The following SLC15A1 variants were observed in gnomAD, a reference collection of about 807,000 sequenced individuals.
The protein encoded by SLC15A1 is solute carrier family 15 member 1.
SLC15A1 carries 83 observed loss-of-function variants against 92.9 expected under a neutral mutation model. That is an observed-to-expected ratio of 0.89 (90% CI 0.75 to 1.07). The LOEUF is 1.07. Ranked by LOEUF, SLC15A1 falls within the 50% of genes least tolerant of loss-of-function variation. SLC15A1 has a pLI of 0.00. For missense variants in SLC15A1, 857 were observed against 880.1 expected, an observed-to-expected ratio of 0.97 and a Z score of 0.33; for synonymous variants, 322 against 318.2, an observed-to-expected ratio of 1.01 and a Z score of -0.13.
At chr13:98,700,360 C>T (rs1346984705) in intron 18 of SLC15A1, among the ~76,000 whole-genome samples, 1 of 151,786 alleles carries the variant, frequency 6.6e-6, no homozygotes, top group Non-Finnish European at 1.5e-5. Flanking sequence ...TGGTACATGC[C>T]TGTAGTCCCA....
rs758780624 is a variant in SLC15A1 at position 98,709,558 on chromosome 13, C to T, written c.1067+14G>A. The T allele has an allele frequency of 6.8e-6, 11 of 1,612,878 alleles. No homozygotes were observed. In the South Asian group the frequency reaches 1.2e-4, roughly 18 times the overall value. ...CAAGGGAGCCTCAACCAACCCAACC[C>T]ACCCGTCACCTACGTGAAATTGAAG... On this transcript the variant is annotated intron_variant, in intron 14 of 22. Coordinates refer to ENST00000376503, the MANE Select transcript of SLC15A1 (RefSeq NM_005073.4).
intron 18 of SLC15A1, among the ~76,000 whole-genome samples, chr13:98,696,481 G>T (rs2088022877): frequency 1.3e-5 from 2 of 151,828 alleles, no homozygotes; most frequent in Admixed American, 6.6e-5. Flanking sequence ...ACCAAAACAA[G>T]AAAGGATCCC....
At chr13:98,726,295 G>A in intron 3 of SLC15A1, 31 bp from the exon 4 acceptor site, 1 of 1,613,494 alleles carries the variant, frequency 6.2e-7, no homozygotes, top group East Asian at 2.2e-5. Flanking sequence ...AAGAGGAGGG[G>A]GAAACAAAGT....
intron 1 of SLC15A1, among the ~76,000 whole-genome samples, chr13:98,730,739 T>G (rs1217060403): frequency 6.6e-6 from 1 of 152,228 alleles, no homozygotes; most frequent in Non-Finnish European, 1.5e-5. Context: ...ATTCAGTGTT[T>G]GTGGGACACG....
rs1402807735 is a variant in SLC15A1 at position 98,709,861 on chromosome 13, A to T, written c.945+6T>A. On this transcript the variant is annotated splice_donor_region_variant and intron_variant, in intron 12 of 22. Transcript: ENST00000376503. ...AAAGAAACTAAAACAAAGGAGTCAAACTTACGATTTTCCCGGACATAGTTG... is the reference window on the plus strand; with the variant it reads ...AAAGAAACTAAAACAAAGGAGTCAATCTTACGATTTTCCCGGACATAGTTG... 6.2e-7 allele frequency: 1 copy of T among 1,614,180 alleles called. No individual in the cohort carries two copies.
intron 14 of SLC15A1, 38 bp from the exon 15 acceptor site, chr13:98,708,805 C>T (rs1452695496): frequency 3.9e-6 from 6 of 1,524,352 alleles, no homozygotes; most frequent in Non-Finnish European, 4.5e-6. Flanking sequence ...CAACCAGTTT[C>T]ACATAGATGA....
chr13:98,721,468 C>A, intron 7 of SLC15A1, 27 bp downstream of exon 7: 1 of 1,546,458 alleles, frequency 6.5e-7, no homozygotes, highest in Non-Finnish European at 8.9e-7. Context: ...AAAAGACCAA[C>A]AGAAGTTCCT....
chr13:98,701,023 T>A (rs1459962622), intron 18 of SLC15A1, among the ~76,000 whole-genome samples: 1 of 152,202 alleles, frequency 6.6e-6, no homozygotes, highest in African/African-American at 2.4e-5. Flanking sequence ...TTCCTTTGCC[T>A]TTCCATATAC....
intron 5 of SLC15A1, 68 bp downstream of exon 5, chr13:98,723,844 G>C: frequency 6.3e-7 from 1 of 1,599,766 alleles, no homozygotes; most frequent in Non-Finnish European, 8.5e-7. Flanking sequence ...GGAAAAAGAC[G>C]AAGACTTAAG....
chr13:98,686,908 CACTT>C (rs2087933286), intron 21 of SLC15A1, among the ~76,000 whole-genome samples: 1 of 151,648 alleles, frequency 6.6e-6, no homozygotes, highest in African/African-American at 2.4e-5. Context: ...TAGTCTAACA[CACTT>C]AAAAGCAATA....
rs771685410 is a variant in SLC15A1 at position 98,709,725 on chromosome 13, A to T, written c.978+17T>A. 1 of 1,614,254 alleles carries T rather than the reference A, an allele frequency of 6.2e-7. No homozygotes were observed. Among genetic ancestry groups the T allele is most frequent in the South Asian group, 1.1e-5 (1 of 91,086 alleles). ...AAGACGACTCTGATCCCTGAAAGCA[A>T]CTTACATGTCTTCTACCTGCATCTG... On this transcript the variant is annotated intron_variant, in intron 13 of 22. Coordinates refer to ENST00000376503, the MANE Select transcript of SLC15A1 (RefSeq NM_005073.4).
chr13:98,693,201 G>A (rs563243597), intron 18 of SLC15A1, among the ~76,000 whole-genome samples: 27 of 141,038 alleles, frequency 1.9e-4, no homozygotes, highest in African/African-American at 7.1e-4. Flanking sequence ...GGGTTCAAGC[G>A]ATTCTCCTGC....
intron 1 of SLC15A1, among the ~76,000 whole-genome samples, chr13:98,746,108 T>C (rs2088491019): frequency 6.6e-6 from 1 of 152,226 alleles, no homozygotes; most frequent in Non-Finnish European, 1.5e-5. Context: ...CTGCTGCTTA[T>C]ACGTGGGAAA....
At chr13:98,716,306 CATTAAAGTACT>C (rs2088210810) in intron 8 of SLC15A1, among the ~76,000 whole-genome samples, 1 of 152,146 alleles carries the variant, frequency 6.6e-6, no homozygotes, top group Non-Finnish European at 1.5e-5. Context: ...TCATATAACA[CATTAAAGTACT>C]ATTCTACTAA....
chr13:98,716,002 C>G, intron 8 of SLC15A1, 42 bp from the exon 9 acceptor site: 1 of 1,551,928 alleles, frequency 6.4e-7, no homozygotes, highest in Non-Finnish European at 8.9e-7. Flanking sequence ...AGCATGTGAC[C>G]GAGCGCCCTG....
chr13:98,703,690 G>A (rs1202413618), intron 17 of SLC15A1, among the ~76,000 whole-genome samples: 1 of 151,420 alleles, frequency 6.6e-6, no homozygotes, highest in African/African-American at 2.4e-5. Flanking sequence ...CCAAGTAGCT[G>A]GGACGACAGG....
At chr13:98,747,379 A>G (rs149618896) in intron 1 of SLC15A1, among the ~76,000 whole-genome samples, 2,800 of 152,256 alleles carry the variant, frequency 0.018, 95 homozygotes, top group African/African-American at 0.064. Context: ...TTCTGCCTCC[A>G]CCATGGGAAC....
Position 98,686,256 on chromosome 13 carries a change from C to T in SLC15A1, c.1869G>A (p.Leu623=), listed in dbSNP as rs1329990258. 2 of 1,613,526 alleles carry T rather than the reference C, an allele frequency of 1.2e-6. No homozygotes were observed. Among genetic ancestry groups the T allele is most frequent in the Non-Finnish European group, 1.7e-6 (2 of 1,179,788 alleles). Residue 623 remains leucine (L), a synonymous_variant, in exon 22 of 23, where the codon CTG becomes CTA. Transcript: ENST00000376503. ...NMKSVLQAGW[L]LTVAVGNIIV... is the part of the protein sequence containing the mutation. ...TGATGTTGCCAACAGCCACGGTCAGCAGCCATCCTGCCTGAAGCACCGACT... is the reference window on the plus strand; with the variant it reads ...TGATGTTGCCAACAGCCACGGTCAGTAGCCATCCTGCCTGAAGCACCGACT...
At chr13:98,745,814 A>G (rs1465650405) in intron 1 of SLC15A1, among the ~76,000 whole-genome samples, 1 of 150,494 alleles carries the variant, frequency 6.6e-6, no homozygotes, top group African/African-American at 2.4e-5. Context: ...AAACAAGTAC[A>G]CCATGTGAGT....
Sources: allele counts gnomAD v4.1 joint callset (sites outside exome capture counted in the v4.1 genomes callset), GRCh38; gene constraint gnomAD v4.1.1; transcripts MANE v1.5; gene names NCBI Gene and HGNC (gene_info 2026-07-23, HGNC 2026-07-21).